Variants in PRKG1 observed in about 807,000 individuals in gnomAD.
The protein encoded by PRKG1 is cGMP-dependent protein kinase 1.
A neutral mutation model predicts 88.1 loss-of-function variants in PRKG1; 35 were observed. That is an observed-to-expected ratio of 0.40 (90% confidence interval 0.30 to 0.53). The LOEUF (loss-of-function observed/expected upper bound fraction) is 0.53, where lower values mean the gene tolerates loss of function less well. Among genes scored for constraint, PRKG1 ranks in the 20% least tolerant of loss-of-function variants. The probability of loss-of-function intolerance (pLI) is 0.59; values close to 1 mark genes in which losing one functional copy is unlikely to be tolerated. For missense variants in PRKG1, 540 were observed against 839.8 expected (o/e 0.64, Z 4.41); for synonymous variants, 303 against 292.5 (o/e 1.04, Z -0.37).
intron 10 of PRKG1, among the ~76,000 whole-genome samples, chr10:52,267,003 T>G (rs1289488289): frequency 6.6e-6 from 1 of 151,766 alleles, no homozygotes; most frequent in East Asian, 1.9e-4. Flanking sequence ...CTTTCTCTAC[T>G]CGAAAGTAAT....
At chr10:51,126,347 CT>C (rs1845416481) in intron 1 of PRKG1, among the ~76,000 whole-genome samples, 1 of 110,678 alleles carries the variant, frequency 9.0e-6, no homozygotes, top group Admixed American at 9.7e-5. Context: ...TTATTTTATA[CT>C]TTATATTTTA....
intron 1 of PRKG1, among the ~76,000 whole-genome samples, chr10:51,042,256 C>T (rs12260613): frequency 6.6e-6 from 1 of 152,174 alleles, no homozygotes; most frequent in African/African-American, 2.4e-5. Flanking sequence ...TAAGAAAATG[C>T]TTTCACGCAG....
chr10:51,627,986 TTCTTTCTCTCTCTCTCTCTCTC>T (rs1839398097), intron 3 of PRKG1, among the ~76,000 whole-genome samples: 2 of 36,046 alleles, frequency 5.5e-5, no homozygotes, highest in Admixed American at 3.1e-4. Context: ...CTTTCTTTCT[TTCTTTCTCTCTCTCTCTCTCTC>T]TCTTTCTTTC....
chr10:51,843,121 C>T lies in PRKG1; in HGVS notation c.698+38431C>T, dbSNP rs1177190534. On this transcript the variant is annotated intron_variant, in intron 4 of 17. Transcript: ENST00000373980. ...TTTTTTTTTTTTTTTTTTTTTGAGACGGAGTCTTCTGTTTCACCAGGGTGG... is the reference window on the plus strand; with the variant it reads ...TTTTTTTTTTTTTTTTTTTTTGAGATGGAGTCTTCTGTTTCACCAGGGTGG... Among the ~76,000 whole-genome samples, 29 of 88,090 alleles carry T rather than the reference C, an allele frequency of 3.3e-4. No individual in the cohort carries two copies. In the East Asian group the frequency reaches 6.1e-3, roughly 19 times the overall value. The allele number at this position is 88,090 out of a possible 152,430, so 57.8% of individuals were successfully genotyped here.
rs138921579 is a variant in PRKG1, at chr10:51,780,471, A to G, written c.593-24114A>G. 1.4e-3 allele frequency among the ~76,000 whole-genome samples: 217 copies of G among 152,304 alleles called. 1 individual carries two copies. Among genetic ancestry groups the G allele is most frequent in the Non-Finnish European group, 2.5e-3 (167 of 68,014 alleles). ...TATCAAAAAGACTTAAAAACATTCT[A>G]AAGAACTTTAAAATGCATATTTAAA... On this transcript the variant is annotated intron_variant, in intron 3 of 17. Transcript: ENST00000373980.
intron 2 of PRKG1, among the ~76,000 whole-genome samples, chr10:51,465,761 T>C (rs1304820130): frequency 6.6e-6 from 1 of 152,190 alleles, no homozygotes; most frequent in African/African-American, 2.4e-5. Context: ...TATTACCCTA[T>C]ATTGTTCTTG....
intron 3 of PRKG1, among the ~76,000 whole-genome samples, chr10:51,700,729 TATGAA>T (rs1719232937): frequency 6.6e-6 from 1 of 152,204 alleles, no homozygotes; most frequent in African/African-American, 2.4e-5. Context: ...GTATTGAATA[TATGAA>T]ATGAAGCTAG....
intron 5 of PRKG1, among the ~76,000 whole-genome samples, chr10:51,964,180 G>T (rs987086923): frequency 1.3e-5 from 2 of 152,124 alleles, no homozygotes; most frequent in African/African-American, 4.8e-5. Context: ...CTCTTGTAAT[G>T]ATCCTGGTGT....
chr10:51,663,629 A>G (rs1167662650), intron 3 of PRKG1, among the ~76,000 whole-genome samples: 1 of 149,974 alleles, frequency 6.7e-6, no homozygotes, highest in Non-Finnish European at 1.5e-5. Flanking sequence ...AGGTGACAGG[A>G]TCACTTGAGC....
At position 51,647,171 on chromosome 10, in the gene PRKG1, G is replaced by T. The variant is rs550311696; in HGVS notation, c.593-157414G>T. On this transcript the variant is annotated intron_variant, in intron 3 of 17. Transcript: ENST00000373980. Reference sequence around the variant, plus strand: ...AAGATAAAAAAAAAAAAAAAAACTGGGGTGAAGCATACTGAAATGAGATTG... The same window carrying T: ...AAGATAAAAAAAAAAAAAAAAACTGTGGTGAAGCATACTGAAATGAGATTG... 2.0e-4 allele frequency among the ~76,000 whole-genome samples: 31 copies of T among 151,264 alleles called. No individual in the cohort carries two copies. In the South Asian group the frequency reaches 6.5e-3, roughly 32 times the overall value.
chr10:51,924,841 G>T (rs1212643266), intron 5 of PRKG1, among the ~76,000 whole-genome samples: 5 of 151,046 alleles, frequency 3.3e-5, no homozygotes, highest in Non-Finnish European at 7.4e-5. Context: ...CCCATCAAAA[G>T]CATTCTTCAT....
intron 4 of PRKG1, among the ~76,000 whole-genome samples, chr10:51,883,251 C>T (rs940294303): frequency 6.6e-6 from 1 of 152,162 alleles, no homozygotes; most frequent in African/African-American, 2.4e-5. Flanking sequence ...TGAATTACAC[C>T]ACCATCTTTC....
intron 3 of PRKG1, among the ~76,000 whole-genome samples, chr10:51,628,977 A>AAAAAG (rs1325674107): frequency 7.4e-6 from 1 of 135,376 alleles, no homozygotes; most frequent in African/African-American, 2.6e-5. Context: ...AAAAAAAAAA[A>AAAAAG]AACAAAAACA....
At chr10:52,024,039 G>T (rs1845260888) in intron 5 of PRKG1, among the ~76,000 whole-genome samples, 1 of 152,108 alleles carries the variant, frequency 6.6e-6, no homozygotes, top group Non-Finnish European at 1.5e-5. Context: ...GGTTTTTATG[G>T]TTTTAGGTCT....
At chr10:51,290,371 C>G (rs895627302) in intron 2 of PRKG1, among the ~76,000 whole-genome samples, 7 of 152,172 alleles carry the variant, frequency 4.6e-5, no homozygotes, top group South Asian at 2.1e-4. Flanking sequence ...AAGGACATGG[C>G]AAAAGCTAAT....
chr10:51,059,762 T>G (rs1022350586), intron 1 of PRKG1, among the ~76,000 whole-genome samples: 2 of 152,158 alleles, frequency 1.3e-5, no homozygotes, highest in Admixed American at 1.3e-4. Flanking sequence ...AATATCCCTA[T>G]GCACTAGAAA....
intron 3 of PRKG1, among the ~76,000 whole-genome samples, chr10:51,634,563 G>A (rs942042660): frequency 2.0e-5 from 3 of 151,992 alleles, no homozygotes; most frequent in Non-Finnish European, 2.9e-5. Context: ...TAAGGAATTG[G>A]ATAAAAATAA....
chr10:51,846,351 A>G (rs906469576), intron 4 of PRKG1, among the ~76,000 whole-genome samples: 5 of 152,184 alleles, frequency 3.3e-5, no homozygotes, highest in South Asian at 2.1e-4. Flanking sequence ...CCTTGATTAT[A>G]TGTTTAACTC....
At chr10:51,935,085 T>C (rs986280454) in intron 5 of PRKG1, among the ~76,000 whole-genome samples, 2 of 152,080 alleles carry the variant, frequency 1.3e-5, no homozygotes, top group African/African-American at 2.4e-5. Flanking sequence ...AAACTACCTC[T>C]TCCTGCCCAT....
Sources: gnomAD v4.1 joint callset for allele counts (sites outside exome capture counted in the v4.1 genomes callset) on GRCh38, gnomAD v4.1.1 for gene constraint, MANE v1.5 for transcripts, NCBI Gene and HGNC (gene_info 2026-07-23, HGNC 2026-07-21) for gene names.